Variants in RAB14 observed in about 807,000 individuals in gnomAD.
RAB14 encodes ras-related protein Rab-14.
In RAB14, 3 loss-of-function variants were observed where a neutral mutation model predicts 31.1. The ratio of observed to expected loss-of-function variants is 0.10; its 90% confidence interval spans 0.04 to 0.25. The LOEUF is 0.25. Among genes scored for constraint, RAB14 ranks in the 10% least tolerant of loss-of-function variants. RAB14 has a pLI of 1.00. For synonymous variants in RAB14, 85 were observed against 84.9 expected, an observed-to-expected ratio of 1.00 and a Z score of 0.00; for missense variants, 111 against 260.1, an observed-to-expected ratio of 0.43 and a Z score of 3.94.
At chr9:121,189,206 T>A (rs2053673872) in intron 4 of RAB14, among the ~76,000 whole-genome samples, 1 of 152,128 alleles carries the variant, frequency 6.6e-6, no homozygotes, top group Non-Finnish European at 1.5e-5. Context: ...TTGATGCATG[T>A]TCTGGTTGTT....
chr9:121,192,329 T>C, intron 2 of RAB14, 105 bp from the exon 3 acceptor site: 1 of 721,430 alleles, frequency 1.4e-6, no homozygotes, highest in South Asian at 2.8e-5. Context: ...TCTGGGACAC[T>C]TAACAAATTT....
Position 121,178,251 on chromosome 9 carries a change from G to A in RAB14, c.*3145C>T, listed in dbSNP as rs2053608190. On this transcript the variant is annotated 3_prime_UTR_variant, in exon 8 of 8. Transcript: ENST00000373840. ...GAAAGTGACAATTTATTAATACACA[G>A]TAAGTTCTAGAAGGCATCTTTCAAA... 1 of 129,672 alleles carries A rather than the reference G, an allele frequency of 7.7e-6. No individual in the cohort carries two copies. Among genetic ancestry groups the A allele is most frequent in the Admixed American group, 7.0e-5 (1 of 14,250 alleles). The allele number at this position is 129,672 out of a possible 1,614,324, so 8.0% of individuals were successfully genotyped here.
intron 7 of RAB14, 69 bp downstream of exon 7, chr9:121,182,861 T>G (rs2053640506): frequency 7.4e-7 from 1 of 1,355,998 alleles, no homozygotes; most frequent in African/African-American, 1.5e-5. Context: ...TTATATACTT[T>G]TCATATATAC....
intron 1 of RAB14, among the ~76,000 whole-genome samples, chr9:121,193,810 C>G (rs1466841142): frequency 1.3e-5 from 2 of 152,116 alleles, no homozygotes; most frequent in Non-Finnish European, 2.9e-5. Context: ...AAGTCCCCTT[C>G]CCTGTTAACT....
At chr9:121,199,900 A>G (rs74715990) in intron 1 of RAB14, among the ~76,000 whole-genome samples, 7 of 152,336 alleles carry the variant, frequency 4.6e-5, no homozygotes, top group African/African-American at 1.7e-4. Flanking sequence ...GTAGCTCTCC[A>G]AAGCTATACT....
At position 121,181,315 on chromosome 9, in the gene RAB14, G is replaced by T; in HGVS notation, c.*81C>A. ...TTAATTAAACCCAGTAAGATGTACA[G>T]AAGACAATGAGGCAGTAAAAAGTAC... On this transcript the variant is annotated 3_prime_UTR_variant, in exon 8 of 8. Transcript: ENST00000373840. The T allele has an allele frequency of 7.5e-7, 1 of 1,341,802 alleles. No individual in the cohort carries two copies. The highest frequency in any genetic ancestry group is 1.0e-6 in the Non-Finnish European group (1 of 997,886). 83.1% of individuals were successfully genotyped at this position (1,341,802 alleles called of 1,614,324 possible). A position where few individuals can be genotyped will look rare whatever the true frequency, so the allele number is the denominator to read the frequency against.
intron 1 of RAB14, among the ~76,000 whole-genome samples, chr9:121,199,550 T>C (rs1165633278): frequency 6.6e-6 from 1 of 152,214 alleles, no homozygotes; most frequent in Admixed American, 6.5e-5. Context: ...ACTGTGACTA[T>C]GCAAAGATAT....
chr9:121,182,216 C>G (rs2053637384), intron 7 of RAB14, among the ~76,000 whole-genome samples: 1 of 152,062 alleles, frequency 6.6e-6, no homozygotes, highest in South Asian at 2.1e-4. Context: ...GAGGATACTC[C>G]AAACAGAAAT....
chr9:121,179,657 T>G lies in RAB14; in HGVS notation c.*1739A>C, dbSNP rs2053622419. The stretch of plus-strand genomic sequence containing the variant: ...CCAGAAATCTTATTTTTTAAAAAGT[T>G]AAACAAAGACAAAAATAAAAATGAA... On this transcript the variant is annotated 3_prime_UTR_variant, in exon 8 of 8. Transcript: ENST00000373840. The G allele has an allele frequency of 6.6e-6, 1 of 152,668 alleles. No homozygotes were observed. Among genetic ancestry groups the G allele is most frequent in the Non-Finnish European group, 1.5e-5 (1 of 68,036 alleles). The allele number at this position is 152,668 out of a possible 1,614,324, so 9.5% of individuals were successfully genotyped here.
At position 121,180,883 on chromosome 9, in the gene RAB14, C is replaced by G. The variant is rs1264280586; in HGVS notation, c.*513G>C. 3 of 152,598 alleles carry G rather than the reference C, an allele frequency of 2.0e-5. No individual in the cohort carries two copies. Among genetic ancestry groups the G allele is most frequent in the African/African-American group, 7.2e-5 (3 of 41,424 alleles). The allele number at this position is 152,598 out of a possible 1,614,324, so 9.5% of individuals were successfully genotyped here. On this transcript the variant is annotated 3_prime_UTR_variant, in exon 8 of 8. Transcript: ENST00000373840. ...GAAGCAAATCTCGTTAAGAAAAATG[C>G]CACCCACACAACAGGAAATTTATCC...
In RAB14 at chr9:121,199,911, CCT is replaced by C. The variant is rs560389119; in HGVS notation, c.-8+1726_-8+1727del. 2.8e-4 allele frequency among the ~76,000 whole-genome samples: 43 copies of C among 152,278 alleles called. No individual in the cohort carries two copies. In the South Asian group the frequency reaches 8.7e-3, roughly 31 times the overall value. On this transcript the variant is annotated intron_variant, in intron 1 of 7. Coordinates refer to ENST00000373840, the MANE Select transcript of RAB14 (RefSeq NM_016322.4). ...ACATGTAGCTCTCCAAAGCTATACTCCTCTCTCATTCATTCAAAAGATATTAA... is the reference window on the plus strand; with the variant it reads ...ACATGTAGCTCTCCAAAGCTATACTCCTCTCATTCATTCAAAAGATATTAA...
At chr9:121,188,275 G>A (rs1411339085) in intron 4 of RAB14, among the ~76,000 whole-genome samples, 4 of 151,836 alleles carry the variant, frequency 2.6e-5, no homozygotes, top group East Asian at 3.8e-4. Context: ...TTATACAACA[G>A]GTATGTTTTA....
Position 121,194,902 on chromosome 9 carries a change from A to G in RAB14, c.-7-1483T>C, listed in dbSNP as rs140441056. Among the ~76,000 whole-genome samples the G allele has an allele frequency of 1.1e-3, 169 of 152,288 alleles. 3 individuals are homozygous for G. In the East Asian group the frequency reaches 0.021, roughly 19 times the overall value. On this transcript the variant is annotated intron_variant, in intron 1 of 7. Transcript: ENST00000373840. ...ACAGTCTTCTCACTTAGCTATCTGTATTACATTTAGTGAAAGTAGAAGCCT... is the reference window on the plus strand; with the variant it reads ...ACAGTCTTCTCACTTAGCTATCTGTGTTACATTTAGTGAAAGTAGAAGCCT...
intron 1 of RAB14, among the ~76,000 whole-genome samples, chr9:121,193,838 A>G (rs2053699453): frequency 6.6e-6 from 1 of 152,158 alleles, no homozygotes; most frequent in Admixed American, 6.5e-5. Context: ...TAAGTTACTA[A>G]TGATCTACTT....
intron 1 of RAB14, among the ~76,000 whole-genome samples, chr9:121,195,578 G>A (rs2053710806): frequency 6.6e-6 from 1 of 152,092 alleles, no homozygotes; most frequent in South Asian, 2.1e-4. Flanking sequence ...TTTTGAAAAT[G>A]TATCTTAAAA....
rs746706352 is a variant in RAB14 at position 121,179,512 on chromosome 9, TTG to T, written c.*1882_*1883del. Reference sequence around the variant, plus strand: ...TATCCCAATGGGTGGTTTGTTTGTTTTGTTTTTGTAAATATACACACACACCA... The same window carrying T: ...TATCCCAATGGGTGGTTTGTTTGTTTTTTTTGTAAATATACACACACACCA... On this transcript the variant is annotated 3_prime_UTR_variant, in exon 8 of 8. Transcript: ENST00000373840. 1.3e-5 allele frequency: 2 copies of T among 152,614 alleles called. No homozygotes were observed. The highest frequency in any genetic ancestry group is 2.9e-5 in the Non-Finnish European group (2 of 68,036). The allele number at this position is 152,614 out of a possible 1,614,324, so 9.5% of individuals were successfully genotyped here.
intron 4 of RAB14, among the ~76,000 whole-genome samples, chr9:121,188,736 C>G (rs548661762): frequency 6.6e-6 from 1 of 152,112 alleles, no homozygotes; most frequent in Admixed American, 6.6e-5. Context: ...ACACCAAAGT[C>G]ACTATAAAGT....
rs1339206494 is a variant in RAB14, at chr9:121,181,471, T to C, written c.573A>G (p.Gln191=). 1 of 1,613,554 alleles carries C rather than the reference T, an allele frequency of 6.2e-7. No individual in the cohort carries two copies. Among genetic ancestry groups the C allele is most frequent in the African/African-American group, 1.3e-5 (1 of 75,028 alleles). The change falls in exon 8 of 8, where the codon CAA becomes CAG. Residue 191 remains glutamine (Q), a synonymous_variant. Transcript: ENST00000373840. ...CTCCCTGCGGGGCTGAAGGTTTGTG[T>C]TGTACACCAGACTCAGCAGCATTCA... The part of the protein sequence containing the change: ...LDLNAAESGV[Q]HKPSAPQGGR...
chr9:121,187,628 C>A (rs541033078), intron 4 of RAB14, among the ~76,000 whole-genome samples: 7 of 152,158 alleles, frequency 4.6e-5, no homozygotes, highest in African/African-American at 1.7e-4. Flanking sequence ...TAACTTTGTT[C>A]TCTTATCTAT....
Sources: allele counts gnomAD v4.1 joint callset (sites outside exome capture counted in the v4.1 genomes callset), GRCh38; gene constraint gnomAD v4.1.1; transcripts MANE v1.5; gene names NCBI Gene and HGNC (gene_info 2026-07-23, HGNC 2026-07-21).